JAK2: variants seen among roughly 807,000 people sequenced by gnomAD.
JAK2 encodes Janus kinase 2, also known as tyrosine-protein kinase JAK2.
JAK2 carries 86 observed loss-of-function variants against 139.3 expected under a neutral mutation model. The ratio of observed to expected loss-of-function variants is 0.62; its 90% CI spans 0.52 to 0.74. The LOEUF is 0.74. JAK2 is among the 30% of genes least tolerant of loss of function. The pLI, the probability that JAK2 is intolerant of heterozygous loss-of-function variation, is 0.00. For missense variants in JAK2, 1,421 were observed against 1,360.3 expected (o/e 1.04, Z -0.70); for synonymous variants, 490 against 437.7 (o/e 1.12, Z -1.49).
At chr9:5,085,720 T>C (rs2130644652) in intron 19 of JAK2, 6 of 751,888 alleles carry the variant, frequency 8.0e-6, no homozygotes, top group Non-Finnish European at 1.5e-5. Context: ...GTGTGGATCA[T>C]TTCTGCAATT....
At chr9:5,082,739 A>C (rs2130624428) in intron 19 of JAK2, among the ~76,000 whole-genome samples, 1 of 152,324 alleles carries the variant, frequency 6.6e-6, no homozygotes, top group South Asian at 2.1e-4. Flanking sequence ...GTTTATTGAG[A>C]CTGGAGAATG....
chr9:4,994,152 T>G (rs768310460), intron 2 of JAK2, among the ~76,000 whole-genome samples: 17 of 152,238 alleles, frequency 1.1e-4, no homozygotes, highest in Non-Finnish European at 2.5e-4. Context: ...ATCAGAGTGT[T>G]TGGAATCTTT....
rs73393454 is a variant in JAK2 at position 5,041,104 on chromosome 9, G to T, written c.351-3299G>T. ...CTACTACAGCCTGGAGGACCTGTTC[G>T]ACCTTCACGCCCAAGACGGTGCTCC... is the stretch of plus-strand genomic sequence containing the variant. On this transcript the variant is annotated intron_variant, in intron 4 of 24. Coordinates refer to ENST00000381652, the MANE Select transcript of JAK2 (RefSeq NM_004972.4). 1,745 of 770,114 alleles carry T rather than the reference G, an allele frequency of 2.3e-3. 25 individuals are homozygous for T. The African/African-American group carries it at 0.026, about 11-fold the overall frequency. The allele number at this position is 770,114 out of a possible 1,614,324, so 47.7% of individuals were successfully genotyped here.
intron 19 of JAK2, among the ~76,000 whole-genome samples, chr9:5,086,371 TTTTCCTC>T (rs140014281): frequency 0.032 from 4,894 of 152,266 alleles, 208 homozygotes; most frequent in African/African-American, 0.11. Context: ...CTTTATTCCT[TTTTCCTC>T]CATGGTGCAG....
At chr9:5,057,921 C>A (rs1012959847) in intron 8 of JAK2, among the ~76,000 whole-genome samples, 1 of 152,040 alleles carries the variant, frequency 6.6e-6, no homozygotes, top group African/African-American at 2.4e-5. Flanking sequence ...ACTCTAGATA[C>A]CTCATAAAAG....
chr9:5,035,383 T>C (rs1018659394), intron 4 of JAK2, among the ~76,000 whole-genome samples: 2 of 152,244 alleles, frequency 1.3e-5, no homozygotes, highest in Non-Finnish European at 2.9e-5. Context: ...ACTCATTTTA[T>C]GAGGCCAGCA....
chr9:5,025,126 C>A (rs1411342784), intron 3 of JAK2, among the ~76,000 whole-genome samples: 1 of 152,126 alleles, frequency 6.6e-6, no homozygotes, highest in East Asian at 1.9e-4. Flanking sequence ...TTCATTCTGA[C>A]AGTTTTTACT....
At chr9:5,072,692 C>A in intron 13 of JAK2, 66 bp downstream of exon 13, 1 of 1,200,730 alleles carries the variant, frequency 8.3e-7, no homozygotes. Context: ...CATATGCATA[C>A]AACGTACTCA....
chr9:5,125,548 G>A (rs1272459556), intron 23 of JAK2, among the ~76,000 whole-genome samples: 2 of 151,276 alleles, frequency 1.3e-5, no homozygotes, highest in Admixed American at 6.6e-5. Context: ...TAAAAGTTAT[G>A]AACTATTTTA....
chr9:5,030,503 C>G (rs893430530), intron 4 of JAK2, among the ~76,000 whole-genome samples: 1 of 151,976 alleles, frequency 6.6e-6, no homozygotes, highest in Admixed American at 6.6e-5. Context: ...TATAATTCAT[C>G]ATAACTTCAT....
At chr9:5,093,883 C>T (rs956110236) in intron 22 of JAK2, among the ~76,000 whole-genome samples, 1 of 152,002 alleles carries the variant, frequency 6.6e-6, no homozygotes, top group African/African-American at 2.4e-5. Context: ...CCAGAGTAAT[C>T]CAGGTTGGTT....
At chr9:4,998,687 A>G (rs1426373791) in intron 2 of JAK2, among the ~76,000 whole-genome samples, 3 of 152,032 alleles carry the variant, frequency 2.0e-5, no homozygotes, top group Non-Finnish European at 4.4e-5. Flanking sequence ...GTCATCATTA[A>G]GCATGATTCT....
chr9:5,031,387 T>C (rs1273037942), intron 4 of JAK2, among the ~76,000 whole-genome samples: 1 of 152,130 alleles, frequency 6.6e-6, no homozygotes, highest in Non-Finnish European at 1.5e-5. Flanking sequence ...ATGAGAATGA[T>C]GGGGCCAGTA....
Position 5,066,760 on chromosome 9 carries a change from A to G in JAK2, c.1297A>G (p.Asn433Asp). 6.4e-7 allele frequency: 1 copy of G among 1,565,862 alleles called. No individual in the cohort carries two copies. The highest frequency in any genetic ancestry group is 8.6e-7 in the Non-Finnish European group (1 of 1,158,680). ...ACTTCGATGCAGTCCTAAGGACTTT[A>G]ATAAATATTTTTTGACTTTTGCTGT... Reference protein sequence around the residue: ...YVLRCSPKDFNKYFLTFAVER... With the variant: ...YVLRCSPKDFDKYFLTFAVER... Residue 433 changes from asparagine to aspartate, a missense_variant, in exon 10 of 25, where the codon AAT becomes GAT. Transcript: ENST00000381652.
intron 2 of JAK2, among the ~76,000 whole-genome samples, chr9:4,996,606 T>A (rs758070102): frequency 6.6e-6 from 1 of 151,990 alleles, no homozygotes; most frequent in Non-Finnish European, 1.5e-5. Flanking sequence ...TGAAATATAG[T>A]TTTCATTGCA....
At position 5,069,993 on chromosome 9, in the gene JAK2, A is replaced by T. The variant is rs2130529549; in HGVS notation, c.1582A>T (p.Arg528Trp). ...TGTACCAACCTCACCAACATTACAG[A>T]GGCCTACTCATATGAACCAAATGGT... ...SDVPTSPTLQ[R>W]PTHMNQMVFH... The change falls in exon 12 of 25, where the codon AGG (arginine) becomes TGG (tryptophan). Residue 528 changes from arginine to tryptophan, a missense_variant. By Grantham distance (101) the Arg-to-Trp change is moderately radical (BLOSUM62 -3). Coordinates refer to ENST00000381652, the MANE Select transcript of JAK2 (RefSeq NM_004972.4). 1 of 1,608,270 alleles carries T rather than the reference A, an allele frequency of 6.2e-7. No individual in the cohort carries two copies. The highest frequency in any genetic ancestry group is 8.5e-7 in the Non-Finnish European group (1 of 1,175,882).
At chr9:5,057,340 A>C in intron 8 of JAK2, among the ~76,000 whole-genome samples, 1 of 151,914 alleles carries the variant, frequency 6.6e-6, no homozygotes, top group Non-Finnish European at 1.5e-5. Context: ...TTTTGTTTTT[A>C]CTGTCATTTT....
chr9:4,993,371 T>G (rs1334635969), intron 2 of JAK2, among the ~76,000 whole-genome samples: 4 of 152,234 alleles, frequency 2.6e-5, no homozygotes, highest in African/African-American at 9.6e-5. Context: ...CTGAAAAGAT[T>G]GTTCTGAGTC....
chr9:5,107,421 C>T (rs1822054020), intron 22 of JAK2, among the ~76,000 whole-genome samples: 1 of 152,134 alleles, frequency 6.6e-6, no homozygotes, highest in African/African-American at 2.4e-5. Flanking sequence ...TCCTCTTAGA[C>T]TTAGAAATCG....
Sources: gnomAD v4.1 joint callset for allele counts (sites outside exome capture counted in the v4.1 genomes callset) on GRCh38, gnomAD v4.1.1 for gene constraint, MANE v1.5 for transcripts, NCBI Gene and HGNC (gene_info 2026-07-23, HGNC 2026-07-21) for gene names.